The following TBC1D5 variants were observed in gnomAD, a reference collection of about 807,000 sequenced individuals.
The protein encoded by TBC1D5 is TBC1 domain family, member 5.
In TBC1D5, 75 loss-of-function variants were observed where a neutral mutation model predicts 100.3. The observed-to-expected ratio is 0.75, with a 90% CI of 0.62 to 0.91. The LOEUF is 0.91. TBC1D5 is among the 40% of genes least tolerant of loss of function. TBC1D5 has a pLI of 0.00. For synonymous variants in TBC1D5, 323 were observed against 325.6 expected, an observed-to-expected ratio of 0.99 and a Z score of 0.09; for missense variants, 910 against 942.4, an observed-to-expected ratio of 0.97 and a Z score of 0.45.
chr3:17,460,091 C>CA (rs766114706), intron 3 of TBC1D5, among the ~76,000 whole-genome samples: 1 of 152,194 alleles, frequency 6.6e-6, no homozygotes, highest in Non-Finnish European at 1.5e-5. Context: ...TCACTGGAGT[C>CA]AGGTACTTCA....
chr3:17,289,776 T>C (rs1559560235), intron 15 of TBC1D5, among the ~76,000 whole-genome samples: 1 of 152,166 alleles, frequency 6.6e-6, no homozygotes. Flanking sequence ...ATAATGAAGA[T>C]GTTGGTGGCA....
chr3:17,634,510 G>A (rs1309979168), intron 1 of TBC1D5, among the ~76,000 whole-genome samples: 1 of 151,748 alleles, frequency 6.6e-6, no homozygotes, highest in Non-Finnish European at 1.5e-5. Flanking sequence ...ACTTATTTGT[G>A]GGATCTAAAA....
chr3:17,541,157 T>C (rs1386075752), intron 2 of TBC1D5, among the ~76,000 whole-genome samples: 1 of 151,390 alleles, frequency 6.6e-6, no homozygotes, highest in Non-Finnish European at 1.5e-5. Context: ...GTCCCTTCAG[T>C]TTCCATATGA....
At chr3:17,256,644 G>C (rs2077714560) in intron 16 of TBC1D5, among the ~76,000 whole-genome samples, 1 of 152,124 alleles carries the variant, frequency 6.6e-6, no homozygotes, top group Non-Finnish European at 1.5e-5. Flanking sequence ...AATATGTGTT[G>C]AGTGCCTTCC....
chr3:17,587,914 A>G (rs1444291618), intron 2 of TBC1D5, among the ~76,000 whole-genome samples: 1 of 152,058 alleles, frequency 6.6e-6, no homozygotes, highest in Admixed American at 6.5e-5. Flanking sequence ...AATAAAAGAT[A>G]TTCAAATAGC....
At chr3:17,699,987 G>C (rs1345866265) in intron 1 of TBC1D5, 2 of 152,080 alleles carry the variant, frequency 1.3e-5, no homozygotes, top group Admixed American at 1.3e-4. Context: ...CCTGTTAGAA[G>C]CTCCTTCCTT....
intron 2 of TBC1D5, among the ~76,000 whole-genome samples, chr3:17,588,972 C>T (rs1312828343): frequency 6.6e-6 from 1 of 152,102 alleles, no homozygotes; most frequent in Non-Finnish European, 1.5e-5. Flanking sequence ...AGGTTTTATG[C>T]CTTAGACAAC....
At chr3:17,499,716 C>T (rs893816101) in intron 3 of TBC1D5, among the ~76,000 whole-genome samples, 4 of 148,798 alleles carry the variant, frequency 2.7e-5, no homozygotes, top group African/African-American at 7.7e-5. Context: ...TAAACCCTTA[C>T]TCTACTGTAG....
At position 17,695,607 on chromosome 3, in the gene TBC1D5, A is replaced by C. The variant is rs529755633; in HGVS notation, c.-101+43736T>G. On this transcript the variant is annotated intron_variant, in intron 1 of 21. Transcript: ENST00000253692. ...ACCCAGATTCATAAAGCAAGTCCTTAGAGACCTACAAAGAGACTTAGACTC... is the reference window on the plus strand; with the variant it reads ...ACCCAGATTCATAAAGCAAGTCCTTCGAGACCTACAAAGAGACTTAGACTC... Among the ~76,000 whole-genome samples, 5 of 152,354 alleles carry C rather than the reference A, an allele frequency of 3.3e-5. No individual in the cohort carries two copies. In the East Asian group the frequency reaches 7.7e-4, roughly 23 times the overall value.
intron 2 of TBC1D5, among the ~76,000 whole-genome samples, chr3:17,546,604 A>C (rs993930781): frequency 6.6e-6 from 1 of 151,554 alleles, no homozygotes; most frequent in Non-Finnish European, 1.5e-5. Flanking sequence ...TCTCTACTAA[A>C]ATACAAAAAA....
At chr3:17,278,231 T>C (rs1016944550) in intron 15 of TBC1D5, among the ~76,000 whole-genome samples, 4 of 152,200 alleles carry the variant, frequency 2.6e-5, no homozygotes, top group African/African-American at 9.6e-5. Flanking sequence ...TACAGAACTA[T>C]GTGTGTGCTG....
At chr3:17,328,041 G>A (rs1367178855) in intron 13 of TBC1D5, among the ~76,000 whole-genome samples, 3 of 152,134 alleles carry the variant, frequency 2.0e-5, no homozygotes, top group Non-Finnish European at 4.4e-5. Context: ...AGGCCAAGAT[G>A]GGGGGATAGC....
intron 3 of TBC1D5, among the ~76,000 whole-genome samples, chr3:17,471,559 T>C (rs2095372416): frequency 6.8e-6 from 1 of 146,122 alleles, no homozygotes; most frequent in African/African-American, 2.5e-5. Flanking sequence ...AACAGCATTT[T>C]AAAAAATCAA....
chr3:17,721,670 T>A (rs1409373823), intron 1 of TBC1D5, among the ~76,000 whole-genome samples: 3 of 151,386 alleles, frequency 2.0e-5, no homozygotes, highest in Non-Finnish European at 4.4e-5. Flanking sequence ...AGACCCTGTC[T>A]CAAAAAATAG....
chr3:17,224,329 CA>C (rs1215828805), intron 17 of TBC1D5, among the ~76,000 whole-genome samples: 2 of 152,124 alleles, frequency 1.3e-5, no homozygotes, highest in Admixed American at 1.3e-4. Flanking sequence ...TGCTGATCAA[CA>C]GAAATATAAT....
intron 2 of TBC1D5, among the ~76,000 whole-genome samples, chr3:17,599,720 C>T (rs1368348142): frequency 6.6e-6 from 1 of 152,156 alleles, no homozygotes; most frequent in Admixed American, 6.5e-5. Context: ...CCCAAAAGTG[C>T]TCACTCCAGC....
rs1173816122 is a variant in TBC1D5, at chr3:17,672,453, G to A, written c.-100-48540C>T. The A allele has an allele frequency of 2.0e-5, 3 of 152,222 alleles. No individual in the cohort carries two copies. In the East Asian group the frequency reaches 5.8e-4, roughly 29 times the overall value. The allele number at this position is 152,222 out of a possible 1,614,324, so 9.4% of individuals were successfully genotyped here. On this transcript the variant is annotated intron_variant, in intron 1 of 21. Transcript: ENST00000253692. ...ATTTATGCACAGATCCAGCACACACGTTGCTGTGGCAAAATAAACTCCAAA... is the reference window on the plus strand; with the variant it reads ...ATTTATGCACAGATCCAGCACACACATTGCTGTGGCAAAATAAACTCCAAA...
intron 1 of TBC1D5, among the ~76,000 whole-genome samples, chr3:17,690,653 T>C (rs1178303294): frequency 1.3e-5 from 2 of 152,234 alleles, no homozygotes; most frequent in Admixed American, 6.5e-5. Flanking sequence ...AGAACAGCAG[T>C]GGCATTAGAT....
intron 13 of TBC1D5, among the ~76,000 whole-genome samples, chr3:17,310,878 A>T (rs2083949683): frequency 6.6e-6 from 1 of 152,026 alleles, no homozygotes. Flanking sequence ...AGAAGCATAT[A>T]ACTAATGGAA....
Sources: gnomAD v4.1 joint callset for allele counts (sites outside exome capture counted in the v4.1 genomes callset) on GRCh38, gnomAD v4.1.1 for gene constraint, MANE v1.5 for transcripts, NCBI Gene and HGNC (gene_info 2026-07-23, HGNC 2026-07-21) for gene names.